FOXP2: variants seen among roughly 807,000 people sequenced by gnomAD.
The protein encoded by FOXP2 is forkhead box P2.
In FOXP2, 12 loss-of-function variants were observed where a neutral mutation model predicts 115.8. The observed-to-expected ratio is 0.10, with a 90% confidence interval of 0.07 to 0.17. FOXP2 has a LOEUF of 0.17. FOXP2 is among the 10% of genes least tolerant of loss of function. The pLI is 1.00. For synonymous variants in FOXP2, 328 were observed against 297.7 expected (o/e 1.10, Z -1.05); for missense variants, 629 against 843.5 (o/e 0.75, Z 3.15).
At chr7:114,505,059 T>G (rs1463559094) in intron 2 of FOXP2, among the ~76,000 whole-genome samples, 2 of 151,680 alleles carry the variant, frequency 1.3e-5, no homozygotes, top group Non-Finnish European at 3.0e-5. Context: ...TATATGCATA[T>G]CCTCAAACAT....
At chr7:114,424,895 T>G (rs986587942) in intron 1 of FOXP2, among the ~76,000 whole-genome samples, 9 of 151,470 alleles carry the variant, frequency 5.9e-5, no homozygotes, top group Non-Finnish European at 1.2e-4. Flanking sequence ...CTATTGACGT[T>G]TTTTACTAAA....
intron 2 of FOXP2, among the ~76,000 whole-genome samples, chr7:114,447,798 T>C (rs372098230): frequency 6.6e-6 from 1 of 152,212 alleles, no homozygotes. Context: ...TGCAATTATT[T>C]GTTTCACATT....
intron 2 of FOXP2, among the ~76,000 whole-genome samples, chr7:114,381,670 T>A (rs924980822): frequency 5.9e-5 from 9 of 152,178 alleles, no homozygotes; most frequent in Admixed American, 5.2e-4. Context: ...CAGCTGGGTA[T>A]AGAGGAACAA....
At chr7:114,524,848 T>C (rs1413750440) in intron 2 of FOXP2, among the ~76,000 whole-genome samples, 1 of 152,182 alleles carries the variant, frequency 6.6e-6, no homozygotes, top group African/African-American at 2.4e-5. Context: ...CAAGTGACCC[T>C]ATACATTGGG....
intron 2 of FOXP2, among the ~76,000 whole-genome samples, chr7:114,319,193 G>C (rs1797347643): frequency 6.6e-6 from 1 of 152,012 alleles, no homozygotes; most frequent in Admixed American, 6.6e-5. Context: ...TGGGAAACTT[G>C]TTTATACTGG....
upstream of FOXP2, among the ~76,000 whole-genome samples, chr7:114,413,914 G>A (rs569089560): frequency 3.9e-5 from 6 of 152,212 alleles, no homozygotes; most frequent in East Asian, 1.2e-3. Context: ...GTGGGGTGCT[G>A]TTAAAGCTTG....
At chr7:114,414,008 C>A (rs140246510), upstream of FOXP2, among the ~76,000 whole-genome samples, 2 of 152,208 alleles carry the variant, frequency 1.3e-5, no homozygotes, top group East Asian at 3.9e-4. Flanking sequence ...AAGACAGTGT[C>A]GTTCCTGTCT....
rs185766088 is a variant in FOXP2, at chr7:114,136,678, C to A, written c.-246-26266C>A. ...ATTTAGATAAATGAGTCTAAGCTAG[C>A]ATTCAGAAAAAAAAAAGATCATTTA... On this transcript the variant is annotated intron_variant, in intron 1 of 19. Transcript: ENST00000635638. Among the ~76,000 whole-genome samples the A allele has an allele frequency of 1.7e-3, 247 of 149,158 alleles. 1 individual carries two copies. The highest frequency in any genetic ancestry group is 5.3e-3 in the African/African-American group (214 of 40,664).
At chr7:114,373,123 G>T (rs2129189918) in intron 2 of FOXP2, among the ~76,000 whole-genome samples, 1 of 152,108 alleles carries the variant, frequency 6.6e-6, no homozygotes, top group Non-Finnish European at 1.5e-5. Context: ...CTCCTGAGTA[G>T]CTGGGACTAC....
chr7:114,459,488 T>C (rs1177522715), intron 2 of FOXP2, among the ~76,000 whole-genome samples: 3 of 152,276 alleles, frequency 2.0e-5, no homozygotes, highest in South Asian at 4.1e-4. Context: ...CTTTCAGTTT[T>C]ACTTGACTAA....
At chr7:114,311,870 C>A (rs1193852273) in intron 2 of FOXP2, among the ~76,000 whole-genome samples, 1 of 152,032 alleles carries the variant, frequency 6.6e-6, no homozygotes, top group African/African-American at 2.4e-5. Flanking sequence ...TCTTGTATAC[C>A]TCCTGGGCCC....
chr7:114,372,634 A>T (rs1250124103), intron 2 of FOXP2, among the ~76,000 whole-genome samples: 1 of 152,236 alleles, frequency 6.6e-6, no homozygotes, highest in African/African-American at 2.4e-5. Context: ...ACTTCTCACA[A>T]AATTAGTAAC....
At chr7:114,145,987 C>T (rs1792359231) in intron 1 of FOXP2, among the ~76,000 whole-genome samples, 1 of 152,036 alleles carries the variant, frequency 6.6e-6, no homozygotes, top group Non-Finnish European at 1.5e-5. Context: ...TATCTGTATT[C>T]TATATGTGTT....
intron 1 of FOXP2, among the ~76,000 whole-genome samples, chr7:114,279,288 T>C (rs754759155): frequency 5.9e-5 from 9 of 152,182 alleles, no homozygotes; most frequent in East Asian, 1.9e-4. Flanking sequence ...GATAGTAGAG[T>C]AGGACTACAG....
intron 1 of FOXP2, among the ~76,000 whole-genome samples, chr7:114,156,189 A>T (rs1323688848): frequency 6.6e-6 from 1 of 152,032 alleles, no homozygotes; most frequent in African/African-American, 2.4e-5. Context: ...TTCTATCAGG[A>T]GACTGCCTTT....
chr7:114,670,497 A>T (rs1334757442), intron 16 of FOXP2, among the ~76,000 whole-genome samples: 3 of 152,040 alleles, frequency 2.0e-5, no homozygotes, highest in African/African-American at 7.2e-5. Context: ...CTCAGTTGTT[A>T]AATCATTTCA....
At chr7:114,509,534 A>C (rs1797972670) in intron 2 of FOXP2, among the ~76,000 whole-genome samples, 1 of 151,968 alleles carries the variant, frequency 6.6e-6, no homozygotes, top group Admixed American at 6.6e-5. Flanking sequence ...AGGTTTTGTT[A>C]ATTTTTGATA....
intron 1 of FOXP2, among the ~76,000 whole-genome samples, chr7:114,203,807 C>G (rs1362268543): frequency 6.6e-6 from 1 of 152,082 alleles, no homozygotes; most frequent in Non-Finnish European, 1.5e-5. Flanking sequence ...GGATTCTTTT[C>G]ATATTTTCCT....
At chr7:114,097,413 A>G (rs936441980) in intron 1 of FOXP2, among the ~76,000 whole-genome samples, 4 of 152,176 alleles carry the variant, frequency 2.6e-5, no homozygotes, top group Admixed American at 2.6e-4. Context: ...TGCCTGTGTC[A>G]CTTAGCGTAA....
Sources: gnomAD v4.1 joint callset for allele counts (sites outside exome capture counted in the v4.1 genomes callset) on GRCh38, gnomAD v4.1.1 for gene constraint, MANE v1.5 for transcripts, NCBI Gene and HGNC (gene_info 2026-07-23, HGNC 2026-07-21) for gene names.